ROR1: variants seen among roughly 807,000 people sequenced by gnomAD.
The protein encoded by ROR1 is inactive tyrosine-protein kinase transmembrane receptor ROR1.
ROR1 carries 19 observed loss-of-function variants against 78.8 expected under a neutral mutation model. The observed-to-expected ratio is 0.24, with a 90% confidence interval of 0.17 to 0.35. The LOEUF is 0.35. Ranked by LOEUF, ROR1 falls within the 10% of genes least tolerant of loss-of-function variation. ROR1 has a pLI of 1.00. For missense variants in ROR1, 917 were observed against 1,177.8 expected, an observed-to-expected ratio of 0.78 and a Z score of 3.24; for synonymous variants, 386 against 433.6, an observed-to-expected ratio of 0.89 and a Z score of 1.36.
intron 1 of ROR1, among the ~76,000 whole-genome samples, chr1:63,885,145 T>C (rs650999): frequency 0.65 from 99,085 of 152,154 alleles, 37,424 homozygotes; most frequent in East Asian, 0.97. Context: ...ATCATTATTA[T>C]TATTATTTCA....
chr1:64,137,171 G>T (rs934312018), intron 4 of ROR1, among the ~76,000 whole-genome samples, 198 bp from the exon 5 acceptor site: 3 of 152,100 alleles, frequency 2.0e-5, no homozygotes, highest in Non-Finnish European at 2.9e-5. Context: ...TGACTTTCTG[G>T]GGGTGTAGGA....
intron 1 of ROR1, among the ~76,000 whole-genome samples, chr1:63,798,331 G>A (rs1048547008): frequency 2.6e-5 from 4 of 152,014 alleles, no homozygotes; most frequent in Non-Finnish European, 4.4e-5. Flanking sequence ...TTTTTATTTT[G>A]CACTGGGCCC....
chr1:63,838,358 TCC>T (rs1301791182), intron 1 of ROR1, among the ~76,000 whole-genome samples: 1 of 151,972 alleles, frequency 6.6e-6, no homozygotes, highest in Non-Finnish European at 1.5e-5. Context: ...AGATGACAGC[TCC>T]ATGCCTGTTA....
intron 1 of ROR1, among the ~76,000 whole-genome samples, chr1:63,867,581 G>A (rs1240341830): frequency 6.6e-6 from 1 of 152,160 alleles, no homozygotes; most frequent in Non-Finnish European, 1.5e-5. Context: ...GATAGCAGGC[G>A]ACTCCCTTGT....
intron 1 of ROR1, among the ~76,000 whole-genome samples, chr1:63,867,733 C>T (rs886783018): frequency 5.9e-5 from 9 of 152,198 alleles, no homozygotes; most frequent in African/African-American, 1.7e-4. Flanking sequence ...AATTTATGGG[C>T]CTGCCCCTGA....
intron 1 of ROR1, among the ~76,000 whole-genome samples, chr1:63,997,425 G>A (rs1368094442): frequency 1.3e-5 from 2 of 152,182 alleles, no homozygotes; most frequent in African/African-American, 2.4e-5. Flanking sequence ...CGTTCAAGAG[G>A]TACCAGTTTT....
At chr1:63,832,244 C>G (rs1321255396) in intron 1 of ROR1, among the ~76,000 whole-genome samples, 1 of 152,186 alleles carries the variant, frequency 6.6e-6, no homozygotes, top group Non-Finnish European at 1.5e-5. Context: ...TGCCCGTTAC[C>G]CAGTTCCTAA....
chr1:64,102,929 C>T (rs185574528), intron 4 of ROR1, among the ~76,000 whole-genome samples: 6 of 152,264 alleles, frequency 3.9e-5, no homozygotes, highest in Admixed American at 1.3e-4. Flanking sequence ...CTCCAGACAG[C>T]GCCAGCTGTC....
chr1:64,007,687 A>G (rs1458901195), intron 1 of ROR1, among the ~76,000 whole-genome samples: 1 of 152,154 alleles, frequency 6.6e-6, no homozygotes, highest in Non-Finnish European at 1.5e-5. Flanking sequence ...ATATTCAAAT[A>G]CTTAGCTTTC....
intron 1 of ROR1, among the ~76,000 whole-genome samples, chr1:63,993,934 C>G (rs1360148338): frequency 6.6e-6 from 1 of 152,146 alleles, no homozygotes; most frequent in Non-Finnish European, 1.5e-5. Flanking sequence ...TTTAAACTTT[C>G]ATAGATATTG....
At chr1:64,098,583 T>C (rs1647393743) in intron 4 of ROR1, among the ~76,000 whole-genome samples, 1 of 152,172 alleles carries the variant, frequency 6.6e-6, no homozygotes, top group Non-Finnish European at 1.5e-5. Flanking sequence ...GGCTTTGGTA[T>C]GAGTCTGTGT....
At chr1:63,977,989 C>T (rs1570005050) in intron 1 of ROR1, among the ~76,000 whole-genome samples, 3 of 152,274 alleles carry the variant, frequency 2.0e-5, no homozygotes, top group East Asian at 1.9e-4. Flanking sequence ...CACAGATTTT[C>T]GTACTATTTA....
intron 1 of ROR1, among the ~76,000 whole-genome samples, chr1:63,944,233 G>A (rs982155433): frequency 5.3e-5 from 8 of 152,096 alleles, no homozygotes; most frequent in African/African-American, 1.4e-4. Context: ...AACCAAGCAC[G>A]TTGTGTTCAT....
chr1:63,803,546 A>C (rs1644808819), intron 1 of ROR1, among the ~76,000 whole-genome samples: 1 of 152,200 alleles, frequency 6.6e-6, no homozygotes, highest in African/African-American at 2.4e-5. Context: ...GGGTTTCACC[A>C]TGCTGGCGAG....
At chr1:64,014,514 G>C (rs1268831820) in intron 2 of ROR1, among the ~76,000 whole-genome samples, 3 of 150,582 alleles carry the variant, frequency 2.0e-5, no homozygotes, top group Non-Finnish European at 4.4e-5. Context: ...GGGTGGGTGT[G>C]ATAAGGGCCT....
At chr1:64,107,615 T>C (rs1319977849) in intron 4 of ROR1, among the ~76,000 whole-genome samples, 1 of 152,174 alleles carries the variant, frequency 6.6e-6, no homozygotes, top group Non-Finnish European at 1.5e-5. Flanking sequence ...TAATAGATTT[T>C]CAGAATGCAC....
intron 2 of ROR1, among the ~76,000 whole-genome samples, chr1:64,039,357 G>C (rs1227455755): frequency 6.6e-6 from 1 of 152,146 alleles, no homozygotes; most frequent in Admixed American, 6.5e-5. Flanking sequence ...AGAATACTGA[G>C]ATTGTATGAC....
chr1:64,074,891 G>T (rs150226954), intron 4 of ROR1, among the ~76,000 whole-genome samples: 30 of 152,302 alleles, frequency 2.0e-4, no homozygotes, highest in African/African-American at 7.2e-4. Context: ...CTGACATTCA[G>T]TGTTTGTGAG....
chr1:64,051,859 T>C (rs1646836009), intron 4 of ROR1, among the ~76,000 whole-genome samples: 1 of 152,270 alleles, frequency 6.6e-6, no homozygotes, highest in African/African-American at 2.4e-5. Flanking sequence ...ACTACACCTA[T>C]GGCAAATATA....
Sources: gnomAD v4.1 joint callset for allele counts (sites outside exome capture counted in the v4.1 genomes callset) on GRCh38, gnomAD v4.1.1 for gene constraint, MANE v1.5 for transcripts, NCBI Gene and HGNC (gene_info 2026-07-23, HGNC 2026-07-21) for gene names.